Variants in CMYA5 observed in about 807,000 individuals in gnomAD.
The protein encoded by CMYA5 is cardiomyopathy associated 5, also known as cardiomyopathy-associated protein 5.
CMYA5 carries 246 observed loss-of-function variants against 318.9 expected under a neutral mutation model. The ratio of observed to expected loss-of-function variants is 0.77; its 90% CI spans 0.70 to 0.86. CMYA5 has a LOEUF of 0.86. Among genes scored for constraint, CMYA5 ranks in the 40% least tolerant of loss-of-function variants. CMYA5 has a pLI of 0.00. For synonymous variants in CMYA5, 1,641 were observed against 1,729.5 expected, an observed-to-expected ratio of 0.95 and a Z score of 1.27; for missense variants, 4,589 against 4,678.2, an observed-to-expected ratio of 0.98 and a Z score of 0.56.
intron 1 of CMYA5, among the ~76,000 whole-genome samples, chr5:79,727,253 C>A (rs1357961078): frequency 6.6e-6 from 1 of 152,150 alleles, no homozygotes; most frequent in African/African-American, 2.4e-5. Flanking sequence ...AGTCGCCTGG[C>A]AGCTTTTAAA....
At chr5:79,714,429 T>C (rs1827473326) in intron 1 of CMYA5, among the ~76,000 whole-genome samples, 1 of 112,920 alleles carries the variant, frequency 8.9e-6, no homozygotes, top group African/African-American at 4.2e-5. Context: ...TTTTTTCTTT[T>C]TCTTTTTTTT....
intron 3 of CMYA5, among the ~76,000 whole-genome samples, chr5:79,744,955 C>T (rs557204509): frequency 2.6e-5 from 4 of 152,312 alleles, no homozygotes; most frequent in African/African-American, 9.6e-5. Context: ...GTGGGCAAGA[C>T]TTCCATATGA....
At chr5:79,754,274 A>C (rs1411419948) in intron 6 of CMYA5, among the ~76,000 whole-genome samples, 1 of 152,138 alleles carries the variant, frequency 6.6e-6, no homozygotes, top group African/African-American at 2.4e-5. Context: ...CCCCTACCTA[A>C]ACTAAGCAGA....
chr5:79,731,427 G>A lies in CMYA5; in HGVS notation c.2662G>A (p.Val888Ile). ...EYVVLSDEEA[V>I]ELERYTPSST... ...TGTTGTTCTATCAGACGAAGAGGCA[G>A]TCGAGTTGGAACGATACACACCCTC... The change falls in exon 2 of 13, where the codon GTC (valine) becomes ATC (isoleucine). Residue 888 changes from valine (V) to isoleucine (I), a missense_variant. Around this residue, in one of 3 missense-constraint regions of CMYA5, gnomAD observed 2,132 missense variants for 2,131.3 expected, o/e 1.00. Coordinates refer to ENST00000446378, the MANE Select transcript of CMYA5 (RefSeq NM_153610.5). 1.2e-6 allele frequency: 2 copies of A among 1,613,542 alleles called. No individual in the cohort carries two copies. Among genetic ancestry groups the A allele is most frequent in the Admixed American group, 1.7e-5 (1 of 59,996 alleles).
At chr5:79,790,535 C>T (rs1172870185) in intron 10 of CMYA5, among the ~76,000 whole-genome samples, 1 of 152,244 alleles carries the variant, frequency 6.6e-6, no homozygotes, top group Non-Finnish European at 1.5e-5. Flanking sequence ...TCCCAAAGTG[C>T]TGGGATTACA....
chr5:79,761,787 G>A (rs777023435), intron 7 of CMYA5, 24 bp from the exon 8 acceptor site: 6 of 1,592,942 alleles, frequency 3.8e-6, no homozygotes, highest in Middle Eastern at 1.7e-4. Context: ...AGATGTCTTC[G>A]ATTTTAATTG....
At chr5:79,705,802 A>G (rs1241680701) in intron 1 of CMYA5, among the ~76,000 whole-genome samples, 2 of 152,164 alleles carry the variant, frequency 1.3e-5, no homozygotes. Flanking sequence ...TCTGGAATGC[A>G]CTGTTGATAG....
chr5:79,761,818 A>G lies in CMYA5; in HGVS notation c.11268A>G (p.Val3756=), dbSNP rs775937068. 1.9e-6 allele frequency: 3 copies of G among 1,612,620 alleles called. No individual in the cohort carries two copies. The South Asian group carries it at 3.3e-5, about 18-fold the overall frequency. Residue 3756 remains valine (V), a synonymous_variant, in exon 8 of 13, where the codon GTA becomes GTG. Coordinates refer to ENST00000446378, the MANE Select transcript of CMYA5 (RefSeq NM_153610.5). The stretch of plus-strand genomic sequence containing the variant: ...AATTGTGTCTTATGCTAGAGTTGGT[A>G]GAAGAATACAGACTGACAGTGAAAG... ...PQDDQEVNEL[V]EEYRLTVKES...
chr5:79,742,108 CTCTTCT>C (rs10531856), intron 2 of CMYA5, among the ~76,000 whole-genome samples: 17 of 139,048 alleles, frequency 1.2e-4, no homozygotes, highest in African/African-American at 3.6e-4. Flanking sequence ...CTTTCTTCTT[CTCTTCT>C]TCTTCTTCTT....
rs758359096 is a variant in CMYA5 at position 79,737,783 on chromosome 5, CA to C, written c.9019del (p.Arg3007GlyfsTer2). 3 of 1,611,344 alleles carry C rather than the reference CA, an allele frequency of 1.9e-6. No individual in the cohort carries two copies. In the Admixed American group the frequency reaches 5.0e-5, roughly 27 times the overall value. On this transcript the variant is annotated frameshift_variant, in exon 2 of 13. Transcript: ENST00000446378. LOFTEE classifies it high-confidence loss of function. ...TVACHKTLKS[R>X]LEDEKVTPLK... ...TTGCTTGTCATAAAACATTAAAGAG[CA>C]GGTTAGAAGATGAAAAAGTTACCCC...
At position 79,731,579 on chromosome 5, in the gene CMYA5, T is replaced by A; in HGVS notation, c.2814T>A (p.Asp938Glu). The change falls in exon 2 of 13, where the codon GAT becomes GAA. Residue 938 changes from aspartate (D) to glutamate (E), a missense_variant. Physicochemically the swap from Asp to Glu is conservative, Grantham distance 45. This residue lies in a region of CMYA5 where 2,132 missense variants were observed against 2,131.3 expected (regional missense o/e 1.00). Coordinates refer to ENST00000446378, the MANE Select transcript of CMYA5 (RefSeq NM_153610.5). ...ASSPMNLSEEDQEDIGPFSPD... is the reference protein window; with the variant it reads ...ASSPMNLSEEEQEDIGPFSPD... ...CACCCATGAATTTATCAGAAGAAGA[T>A]CAAGAAGACATTGGACCTTTTTCTC... 1 of 1,612,208 alleles carries A rather than the reference T, an allele frequency of 6.2e-7. No homozygotes were observed. Among genetic ancestry groups the A allele is most frequent in the Non-Finnish European group, 8.5e-7 (1 of 1,179,112 alleles).
Position 79,752,686 on chromosome 5 carries a change from G to A in CMYA5, c.11002G>A (p.Ala3668Thr), listed in dbSNP as rs1258782384. The change falls in exon 6 of 13, where the codon GCA becomes ACA. Residue 3668 changes from alanine (A) to threonine (T), a missense_variant. By Grantham distance (58) the Ala-to-Thr change is moderately conservative (BLOSUM62 0). Coordinates refer to ENST00000446378, the MANE Select transcript of CMYA5 (RefSeq NM_153610.5). ...FEEINERLLS[A>T]MESTASLEKM... ...TCTATTCCCCGATAGGTTGCTTTCT[G>A]CAATGGAGAGCACTGCTTCTTTAGA... is the stretch of plus-strand genomic sequence containing the variant. 14 of 1,612,104 alleles carry A rather than the reference G, an allele frequency of 8.7e-6. No homozygotes were observed. The highest frequency in any genetic ancestry group is 1.2e-5 in the Non-Finnish European group (14 of 1,178,634).
intron 1 of CMYA5, among the ~76,000 whole-genome samples, chr5:79,715,322 C>T (rs1827493360): frequency 6.6e-6 from 1 of 151,302 alleles, no homozygotes; most frequent in Non-Finnish European, 1.5e-5. Flanking sequence ...GAGTCTCGCT[C>T]TGTCACCCAG....
chr5:79,743,881 G>T lies in CMYA5; in HGVS notation c.10693G>T (p.Ala3565Ser). The T allele has an allele frequency of 6.5e-7, 1 of 1,548,522 alleles. No individual in the cohort carries two copies. Among genetic ancestry groups the T allele is most frequent in the African/African-American group, 1.4e-5 (1 of 73,262 alleles). ...NLQEKSLRIE[A>S]FVSEIESFFN... is the part of the protein sequence containing the mutation. The stretch of plus-strand genomic sequence containing the variant: ...ACAAGAAAAGTCCTTGAGGATTGAA[G>T]CCTTTGTTAGTGAGATAGAATCCTT... Residue 3565 changes from alanine (A) to serine (S), a missense_variant, in exon 3 of 13, where the codon GCC becomes TCC. By Grantham distance (99) the Ala-to-Ser change is moderately conservative. Coordinates refer to ENST00000446378, the MANE Select transcript of CMYA5 (RefSeq NM_153610.5).
rs1827981744 is a variant in CMYA5, at chr5:79,733,842, A to G, written c.5077A>G (p.Thr1693Ala). The G allele has an allele frequency of 3.7e-6, 6 of 1,613,708 alleles. No homozygotes were observed. The highest frequency in any genetic ancestry group is 4.2e-6 in the Non-Finnish European group (5 of 1,179,822). The change falls in exon 2 of 13, where the codon ACG becomes GCG. Residue 1693 changes from threonine (T) to alanine (A), a missense_variant. Physicochemically the swap from Thr to Ala is moderately conservative, Grantham distance 58 (BLOSUM62 0). Coordinates refer to ENST00000446378, the MANE Select transcript of CMYA5 (RefSeq NM_153610.5). ...AAATAGAGAGCTTTGTGCATCTTCT[A>G]CGATGCCTGCAATTTCAGAGCTTTC... is the stretch of plus-strand genomic sequence containing the variant. ...EENRELCASSTMPAISELSSL... is the reference protein window; with the variant it reads ...EENRELCASSAMPAISELSSL...
intron 9 of CMYA5, among the ~76,000 whole-genome samples, chr5:79,766,466 T>G (rs1444755058): frequency 6.6e-6 from 1 of 152,234 alleles, no homozygotes; most frequent in Non-Finnish European, 1.5e-5. Context: ...CTTATTATTT[T>G]GAGATACATT....
intron 1 of CMYA5, among the ~76,000 whole-genome samples, chr5:79,710,642 T>C (rs1827371348): frequency 6.6e-6 from 1 of 152,160 alleles, no homozygotes; most frequent in Non-Finnish European, 1.5e-5. Context: ...TTTTCTTTTT[T>C]TGTGTGCTTC....
chr5:79,725,447 A>C (rs1229591985), intron 1 of CMYA5, among the ~76,000 whole-genome samples: 1 of 152,210 alleles, frequency 6.6e-6, no homozygotes, highest in Non-Finnish European at 1.5e-5. Context: ...GGCACAATAG[A>C]CACTGGGGAC....
In CMYA5 at chr5:79,797,173, C is replaced by A. The variant is rs150476322; in HGVS notation, c.11964-2197C>A. 4.6e-3 allele frequency among the ~76,000 whole-genome samples: 702 copies of A among 152,272 alleles called. 4 individuals are homozygous for A. The highest frequency in any genetic ancestry group is 0.014 in the African/African-American group (578 of 41,552). The stretch of plus-strand genomic sequence containing the variant: ...TTGCCCTTTGGTTCTTCTCTGCTGT[C>A]GGACTGTTCACCAACCATCCATTTA... On this transcript the variant is annotated intron_variant, in intron 12 of 12. Transcript: ENST00000446378.
Sources: gnomAD v4.1 joint callset for allele counts (sites outside exome capture counted in the v4.1 genomes callset) on GRCh38, gnomAD v4.1.1 for gene constraint, gnomAD v4.1.1 regional missense constraint, MANE v1.5 for transcripts, NCBI Gene and HGNC (gene_info 2026-07-23, HGNC 2026-07-21) for gene names.